The following KIAA0319L variants were observed in gnomAD, a reference collection of about 807,000 sequenced individuals.
KIAA0319L encodes dyslexia-associated protein KIAA0319-like protein.
KIAA0319L carries 55 observed loss-of-function variants against 120.1 expected under a neutral mutation model. The ratio of observed to expected loss-of-function variants is 0.46; its 90% CI spans 0.37 to 0.57. KIAA0319L has a LOEUF of 0.57. KIAA0319L is among the 20% of genes least tolerant of loss of function. KIAA0319L has a pLI of 0.00. For synonymous variants in KIAA0319L, 398 were observed against 471.9 expected (o/e 0.84, Z 2.03); for missense variants, 1,049 against 1,255.3 (o/e 0.84, Z 2.48).
chr1:35,550,769 T>C (rs1207426757), intron 2 of KIAA0319L, among the ~76,000 whole-genome samples: 1 of 152,176 alleles, frequency 6.6e-6, no homozygotes, highest in Non-Finnish European at 1.5e-5. Flanking sequence ...AGGGCCTCAC[T>C]ATGTTGCCGG....
At chr1:35,488,500 T>G (rs1326335533) in intron 3 of KIAA0319L, among the ~76,000 whole-genome samples, 2 of 152,168 alleles carry the variant, frequency 1.3e-5, no homozygotes, top group African/African-American at 4.8e-5. Flanking sequence ...TTAGACAAAT[T>G]GAAGCTAAAA....
At position 35,434,561 on chromosome 1, in the gene KIAA0319L, CACAATG is replaced by C. The variant is rs1318434557; in HGVS notation, c.*327_*332del. On this transcript the variant is annotated 3_prime_UTR_variant, in exon 21 of 21. Coordinates refer to ENST00000325722, the MANE Select transcript of KIAA0319L (RefSeq NM_024874.5). ...AGGCCTCACCTTGCAGCACTCTGGG[CACAATG>C]ACACTGTCCACTGGGGAGCTGCAGA... 3 of 273,604 alleles carry C rather than the reference CACAATG, an allele frequency of 1.1e-5. No homozygotes were observed. Among genetic ancestry groups the C allele is most frequent in the African/African-American group, 6.7e-5 (3 of 44,828 alleles). The allele number at this position is 273,604 out of a possible 1,614,324, so 16.9% of individuals were successfully genotyped here.
intron 6 of KIAA0319L, among the ~76,000 whole-genome samples, chr1:35,469,924 A>G (rs1479127244): frequency 6.6e-6 from 1 of 152,050 alleles, no homozygotes; most frequent in Non-Finnish European, 1.5e-5. Flanking sequence ...GCTTTAGGGC[A>G]GTAGTATGAT....
chr1:35,509,167 G>A (rs769293033), intron 2 of KIAA0319L, among the ~76,000 whole-genome samples: 6 of 151,972 alleles, frequency 3.9e-5, no homozygotes, highest in Non-Finnish European at 8.8e-5. Flanking sequence ...TTGAGGAGAC[G>A]GAGTTCAGGG....
rs563749765 is a variant in KIAA0319L, at chr1:35,436,354, C to T, written c.2963-1273G>A. Among the ~76,000 whole-genome samples, 10 of 152,336 alleles carry T rather than the reference C, an allele frequency of 6.6e-5. 1 individual carries two copies. The South Asian group carries it at 1.7e-3, about 25-fold the overall frequency. On this transcript the variant is annotated intron_variant, in intron 20 of 20. Coordinates refer to ENST00000325722, the MANE Select transcript of KIAA0319L (RefSeq NM_024874.5). ...CTTGGGCAGGGAGCTTCCTCACCCG[C>T]GTTGGTGTCAGGGTTACAGTTCTGG...
intron 3 of KIAA0319L, among the ~76,000 whole-genome samples, chr1:35,499,727 T>G (rs1343306616): frequency 6.8e-6 from 1 of 148,142 alleles, no homozygotes; most frequent in Non-Finnish European, 1.5e-5. Flanking sequence ...AAGGAAAGGG[T>G]GTTGTGGTCC....
chr1:35,458,593 T>A (rs1642662945), intron 9 of KIAA0319L, among the ~76,000 whole-genome samples: 1 of 152,066 alleles, frequency 6.6e-6, no homozygotes, highest in Non-Finnish European at 1.5e-5. Context: ...GACTCTAGAG[T>A]TAGACTGTGT....
At chr1:35,468,671 C>T (rs987713674) in intron 6 of KIAA0319L, among the ~76,000 whole-genome samples, 2 of 152,188 alleles carry the variant, frequency 1.3e-5, no homozygotes, top group Non-Finnish European at 2.9e-5. Flanking sequence ...GACTTCTCTT[C>T]CCCAACATCC....
At chr1:35,502,761 A>G (rs1440966733) in intron 3 of KIAA0319L, among the ~76,000 whole-genome samples, 1 of 152,160 alleles carries the variant, frequency 6.6e-6, no homozygotes, top group Non-Finnish European at 1.5e-5. Context: ...AAACTTGTCT[A>G]CTTCTGTAGC....
intron 2 of KIAA0319L, among the ~76,000 whole-genome samples, chr1:35,508,475 T>C (rs1645293617): frequency 6.6e-6 from 1 of 151,852 alleles, no homozygotes; most frequent in African/African-American, 2.4e-5. Context: ...TAATCAAAGA[T>C]AAAAGGAAGG....
intron 2 of KIAA0319L, chr1:35,532,974 C>T (rs1357501076): frequency 6.6e-6 from 1 of 152,216 alleles, no homozygotes; most frequent in Non-Finnish European, 1.5e-5. Context: ...TGCTTACTTA[C>T]ATCACCACCT....
rs143794539 is a variant in KIAA0319L at position 35,540,470 on chromosome 1, T to C, written c.142+13880A>G. Reference sequence around the variant, plus strand: ...ATGGGCTGGGTGTATCTAACGCCCATGAAATCACCACAGGAACACACTTCC... The same window carrying C: ...ATGGGCTGGGTGTATCTAACGCCCACGAAATCACCACAGGAACACACTTCC... On this transcript the variant is annotated intron_variant, in intron 2 of 20. Coordinates refer to ENST00000325722, the MANE Select transcript of KIAA0319L (RefSeq NM_024874.5). 1.3e-3 allele frequency among the ~76,000 whole-genome samples: 195 copies of C among 152,322 alleles called. 1 individual carries two copies. The highest frequency in any genetic ancestry group is 4.4e-3 in the African/African-American group (182 of 41,568).
Position 35,434,859 on chromosome 1 carries a change from TGC to T in KIAA0319L, c.*33_*34del. The T allele has an allele frequency of 6.3e-7, 1 of 1,585,558 alleles. No homozygotes were observed. The highest frequency in any genetic ancestry group is 8.6e-7 in the Non-Finnish European group (1 of 1,161,054). On this transcript the variant is annotated 3_prime_UTR_variant, in exon 21 of 21. Coordinates refer to ENST00000325722, the MANE Select transcript of KIAA0319L (RefSeq NM_024874.5). ...AGGTAGGAGGACTGGCCGGGCAGTGTGCTGGGCCCTGCCCTGAGGAGACAGAC... is the reference window on the plus strand; with the variant it reads ...AGGTAGGAGGACTGGCCGGGCAGTGTTGGGCCCTGCCCTGAGGAGACAGAC...
At chr1:35,478,754 A>G (rs1173088981) in intron 4 of KIAA0319L, among the ~76,000 whole-genome samples, 2 of 152,206 alleles carry the variant, frequency 1.3e-5, no homozygotes, top group Non-Finnish European at 2.9e-5. Flanking sequence ...TGGATCTGTG[A>G]AAATTAGCCT....
intron 10 of KIAA0319L, chr1:35,454,765 G>C: frequency 2.2e-6 from 1 of 456,576 alleles, no homozygotes; most frequent in East Asian, 5.0e-5. Flanking sequence ...GAAATGTGCA[G>C]AGATTACCAA....
Position 35,451,583 on chromosome 1 carries a change from T to C in KIAA0319L, c.2062+45A>G, listed in dbSNP as rs543630675. ...CATGACAGGATAAATTCTTCAGCTA[T>C]CTGACCCTAAGAGGCTGCTACACAA... On this transcript the variant is annotated intron_variant, in intron 13 of 20. Transcript: ENST00000325722. 1.4e-5 allele frequency: 22 copies of C among 1,580,642 alleles called. No homozygotes were observed. In the East Asian group the frequency reaches 4.5e-4, roughly 32 times the overall value.
At chr1:35,542,042 T>C (rs1646813771) in intron 2 of KIAA0319L, among the ~76,000 whole-genome samples, 1 of 152,194 alleles carries the variant, frequency 6.6e-6, no homozygotes, top group Non-Finnish European at 1.5e-5. Context: ...TCATACTTAA[T>C]AATGTGCAGA....
chr1:35,538,483 C>T (rs534437252), intron 2 of KIAA0319L, among the ~76,000 whole-genome samples: 10 of 147,482 alleles, frequency 6.8e-5, no homozygotes, highest in East Asian at 2.1e-4. Flanking sequence ...CCCAGCTACT[C>T]GGGAGGCTGA....
At chr1:35,504,483 A>G (rs1187305814) in intron 3 of KIAA0319L, among the ~76,000 whole-genome samples, 3 of 152,250 alleles carry the variant, frequency 2.0e-5, no homozygotes, top group Non-Finnish European at 4.4e-5. Context: ...GGCATAAGCC[A>G]TCACACCCAG....
Sources: allele counts gnomAD v4.1 joint callset (sites outside exome capture counted in the v4.1 genomes callset), GRCh38; gene constraint gnomAD v4.1.1; transcripts MANE v1.5; gene names NCBI Gene and HGNC (gene_info 2026-07-23, HGNC 2026-07-21).